Variants in PLA2G10 observed in about 807,000 individuals in gnomAD.
PLA2G10 encodes the protein group 10 secretory phospholipase A2.
PLA2G10 carries 9 observed loss-of-function variants against 7.9 expected under a neutral mutation model. That is an observed-to-expected ratio of 1.14 (90% CI 0.68 to 1.98). The LOEUF (loss-of-function observed/expected upper bound fraction) is 1.98. Ranked by LOEUF, PLA2G10 falls within the 30% of genes most tolerant of loss-of-function variation. PLA2G10 has a pLI of 0.00. For synonymous variants in PLA2G10, 19 were observed against 27.5 expected (o/e 0.69, Z 0.97); for missense variants, 53 against 65.4 (o/e 0.81, Z 0.66).
chr16:14,678,831 T>G (rs1960799816), intron 3 of PLA2G10: 3 of 310,354 alleles, frequency 9.7e-6, no homozygotes, highest in South Asian at 7.8e-5. Flanking sequence ...TGGCTCCCCA[T>G]CTCTCTCAGA....
At chr16:14,686,972 G>C (rs1457013248) in intron 3 of PLA2G10, among the ~76,000 whole-genome samples, 3 of 152,000 alleles carry the variant, frequency 2.0e-5, no homozygotes, top group African/African-American at 4.8e-5. Context: ...GCCAGGTGTA[G>C]TGGCAGGCAC....
At chr16:14,675,706 C>T (rs1273213304) in intron 3 of PLA2G10, among the ~76,000 whole-genome samples, 1 of 150,856 alleles carries the variant, frequency 6.6e-6, no homozygotes, top group African/African-American at 2.4e-5. Flanking sequence ...TTTGGGAGGC[C>T]AAGGTGGGCA....
At chr16:14,685,280 G>A (rs1253867186) in intron 3 of PLA2G10, among the ~76,000 whole-genome samples, 1 of 151,694 alleles carries the variant, frequency 6.6e-6, no homozygotes, top group Non-Finnish European at 1.5e-5. Flanking sequence ...GCTGAGGCAG[G>A]AGAATCGCTT....
intron 3 of PLA2G10, among the ~76,000 whole-genome samples, chr16:14,680,072 G>C (rs1237568271): frequency 6.6e-6 from 1 of 150,550 alleles, no homozygotes; most frequent in Admixed American, 6.7e-5. Context: ...ACTCGATGCT[G>C]TATTTCTTCT....
chr16:14,676,742 A>G (rs934403231), intron 3 of PLA2G10, among the ~76,000 whole-genome samples: 4 of 152,212 alleles, frequency 2.6e-5, no homozygotes, highest in African/African-American at 9.6e-5. Context: ...GCCATAAAAA[A>G]GAACAAAATG....
chr16:14,678,871 C>G (rs1960800723), intron 3 of PLA2G10: 1 of 275,392 alleles, frequency 3.6e-6, no homozygotes, highest in Admixed American at 4.7e-5. Context: ...AGGAATCTAG[C>G]CCCTATCACT....
In PLA2G10 at chr16:14,683,393, C is replaced by T. The variant is rs528586034; in HGVS notation, c.355+4772G>A. On this transcript the variant is annotated intron_variant, in intron 3 of 3. Transcript: ENST00000438167. ...GACTACAGGAGCATGCTGCCACACC[C>T]GCCTAATTTTTTTTTGTATCTTAGT... Among the ~76,000 whole-genome samples, 15 of 151,916 alleles carry T rather than the reference C, an allele frequency of 9.9e-5. No homozygotes were observed. The East Asian group carries it at 2.2e-3, about 22-fold the overall frequency.
At chr16:14,673,329 T>C (rs781671111) in intron 3 of PLA2G10, among the ~76,000 whole-genome samples, 7 of 151,644 alleles carry the variant, frequency 4.6e-5, no homozygotes, top group Non-Finnish European at 1.0e-4. Flanking sequence ...GGCCTGATAT[T>C]ACACGACTTC....
intron 3 of PLA2G10, among the ~76,000 whole-genome samples, chr16:14,683,935 C>T (rs1960970195): frequency 6.6e-6 from 1 of 152,138 alleles, no homozygotes; most frequent in Admixed American, 6.6e-5. Context: ...TCAGTATCCA[C>T]AGTATATAAA....
At chr16:14,693,309 CTGTGTGTGTGTGTGTG>C (rs1177221583) in intron 1 of PLA2G10, among the ~76,000 whole-genome samples, 1 of 24,248 alleles carries the variant, frequency 4.1e-5, no homozygotes, top group Non-Finnish European at 9.3e-5. Context: ...CTGTGCTGCT[CTGTGTGTGTGTGTGTG>C]TGTGTGTGTG....
intron 3 of PLA2G10, among the ~76,000 whole-genome samples, chr16:14,684,758 G>A (rs556733055): frequency 6.6e-6 from 1 of 152,264 alleles, no homozygotes; most frequent in East Asian, 1.9e-4. Context: ...GGAGTTTGAG[G>A]CTGCAGTGAG....
intron 3 of PLA2G10, among the ~76,000 whole-genome samples, chr16:14,683,680 A>T (rs189263289): frequency 6.6e-6 from 1 of 152,306 alleles, no homozygotes; most frequent in Admixed American, 6.5e-5. Context: ...CTCAAAATGG[A>T]TCAATGACCT....
At chr16:14,679,633 C>T (rs1960829363) in intron 3 of PLA2G10, among the ~76,000 whole-genome samples, 1 of 147,594 alleles carries the variant, frequency 6.8e-6, no homozygotes, top group African/African-American at 2.5e-5. Flanking sequence ...GCACTCCAGC[C>T]TGGGCAACAA....
chr16:14,676,447 G>A (rs564155378), intron 3 of PLA2G10, among the ~76,000 whole-genome samples: 69 of 152,258 alleles, frequency 4.5e-4, no homozygotes, highest in African/African-American at 1.6e-3. Flanking sequence ...TTGGTAGGCC[G>A]AGGTGGGCGG....
At chr16:14,677,636 G>A (rs145946098) in intron 3 of PLA2G10, among the ~76,000 whole-genome samples, 154 of 152,222 alleles carry the variant, frequency 1.0e-3, no homozygotes, top group Non-Finnish European at 1.9e-3. Context: ...AATTACAGGC[G>A]TGAGCCATTG....
intron 3 of PLA2G10, among the ~76,000 whole-genome samples, chr16:14,682,432 G>A (rs1225248680): frequency 6.6e-6 from 1 of 151,962 alleles, no homozygotes. Context: ...AAAATTAGCT[G>A]GGCATGGTGG....
chr16:14,687,555 C>T (rs1961122558), intron 3 of PLA2G10, among the ~76,000 whole-genome samples: 1 of 152,084 alleles, frequency 6.6e-6, no homozygotes, highest in Non-Finnish European at 1.5e-5. Flanking sequence ...AAGCGATCCT[C>T]CTTCTGGTCC....
At chr16:14,678,308 C>T (rs1467202739) in intron 3 of PLA2G10, among the ~76,000 whole-genome samples, 1 of 152,162 alleles carries the variant, frequency 6.6e-6, no homozygotes, top group Non-Finnish European at 1.5e-5. Context: ...GCAGTTCCAT[C>T]CAGCCAGATT....
At chr16:14,686,154 G>C (rs745842187) in intron 3 of PLA2G10, among the ~76,000 whole-genome samples, 1 of 151,342 alleles carries the variant, frequency 6.6e-6, no homozygotes, top group African/African-American at 2.4e-5. Context: ...CCACCACACC[G>C]TGCTAGTTTT....
Sources: gnomAD v4.1 joint callset for allele counts (sites outside exome capture counted in the v4.1 genomes callset) on GRCh38, gnomAD v4.1.1 for gene constraint, MANE v1.5 for transcripts, NCBI Gene and HGNC (gene_info 2026-07-23, HGNC 2026-07-21) for gene names.